GPC5: variants seen among roughly 807,000 people sequenced by gnomAD.
GPC5 encodes glypican-5.
GPC5 carries 47 observed loss-of-function variants against 53.9 expected under a neutral mutation model. The observed-to-expected ratio is 0.87, with a 90% CI of 0.69 to 1.11. GPC5 has a LOEUF of 1.11. Among genes scored for constraint, GPC5 ranks in the 50% most tolerant of loss-of-function variants. GPC5 has a pLI of 0.00. For missense variants in GPC5, 748 were observed against 713.1 expected (o/e 1.05, Z -0.56); for synonymous variants, 286 against 263.3 (o/e 1.09, Z -0.84).
At chr13:92,014,144 A>T (rs986579764) in intron 6 of GPC5, among the ~76,000 whole-genome samples, 1 of 152,194 alleles carries the variant, frequency 6.6e-6, no homozygotes, top group Non-Finnish European at 1.5e-5. Flanking sequence ...GCCTTTATCT[A>T]CTTAGCTCCT....
chr13:92,835,929 T>A (rs1878203322), intron 7 of GPC5, among the ~76,000 whole-genome samples: 2 of 151,944 alleles, frequency 1.3e-5, no homozygotes, highest in Admixed American at 6.6e-5. Context: ...TTCCCTAAAT[T>A]ACAGTGAGTC....
At chr13:92,802,852 C>T (rs1353621708) in intron 7 of GPC5, among the ~76,000 whole-genome samples, 2 of 151,916 alleles carry the variant, frequency 1.3e-5, no homozygotes, top group African/African-American at 2.4e-5. Context: ...ACATATATAT[C>T]CTTCTTTAAG....
chr13:92,693,665 C>T (rs186191970), intron 7 of GPC5, among the ~76,000 whole-genome samples: 438 of 152,082 alleles, frequency 2.9e-3, no homozygotes, highest in Non-Finnish European at 4.6e-3. Flanking sequence ...CATACATGTT[C>T]GCAAAGAGAG....
Position 92,738,751 on chromosome 13 carries a change from G to A in GPC5, c.1562-127531G>A, listed in dbSNP as rs182644774. Among the ~76,000 whole-genome samples the A allele has an allele frequency of 3.3e-3, 508 of 152,090 alleles. 3 individuals carry two copies. The highest frequency in any genetic ancestry group is 5.2e-3 in the Non-Finnish European group (351 of 67,974). On this transcript the variant is annotated intron_variant, in intron 7 of 7. Coordinates refer to ENST00000377067, the MANE Select transcript of GPC5 (RefSeq NM_004466.6). ...TTCAACATTTTTCTAAGTATGTTCT[G>A]TAGACCAAAAATTCTGTAGGATTTT...
intron 6 of GPC5, among the ~76,000 whole-genome samples, chr13:92,135,108 G>GT (rs1240976619): frequency 7.9e-5 from 12 of 152,060 alleles, no homozygotes; most frequent in East Asian, 7.7e-4. Flanking sequence ...AAATGTCCTT[G>GT]TTTTTTTCCC....
At chr13:92,381,860 T>TATTATATATATC (rs2043743935) in intron 7 of GPC5, among the ~76,000 whole-genome samples, 3 of 62,716 alleles carry the variant, frequency 4.8e-5, no homozygotes, top group Non-Finnish European at 1.1e-4. Context: ...CATATATGAT[T>TATTATATATATC]ATATATATCA....
At chr13:91,837,615 A>C (rs531360324) in intron 5 of GPC5, among the ~76,000 whole-genome samples, 4 of 152,256 alleles carry the variant, frequency 2.6e-5, no homozygotes, top group African/African-American at 9.6e-5. Context: ...TACCACATGG[A>C]GTTGTGTTTT....
At chr13:92,367,084 C>T (rs892059024) in intron 7 of GPC5, among the ~76,000 whole-genome samples, 6 of 152,066 alleles carry the variant, frequency 3.9e-5, no homozygotes, top group African/African-American at 7.2e-5. Context: ...TGTTACCACA[C>T]GTCAAAGTCT....
chr13:92,154,069 C>T lies in GPC5; in HGVS notation c.1561+9080C>T, dbSNP rs115315809. Among the ~76,000 whole-genome samples the T allele has an allele frequency of 6.9e-3, 1,057 of 152,308 alleles. 10 individuals are homozygous for T. Among genetic ancestry groups the T allele is most frequent in the African/African-American group, 0.024 (1,011 of 41,558 alleles). On this transcript the variant is annotated intron_variant, in intron 7 of 7. Transcript: ENST00000377067. Reference sequence around the variant, plus strand: ...AAGCCTGGTGCAAACATCTGCTTAGCTCCTGGTGAGGCCTCAGGAGGCTTA... The same window carrying T: ...AAGCCTGGTGCAAACATCTGCTTAGTTCCTGGTGAGGCCTCAGGAGGCTTA...
intron 2 of GPC5, among the ~76,000 whole-genome samples, chr13:91,523,073 TAA>T (rs1885912368): frequency 6.6e-6 from 1 of 152,146 alleles, no homozygotes. Flanking sequence ...ATGGCGATTA[TAA>T]AAAAGACAAA....
At chr13:91,907,312 G>A (rs1480499023) in intron 5 of GPC5, among the ~76,000 whole-genome samples, 2 of 147,560 alleles carry the variant, frequency 1.4e-5, no homozygotes, top group Non-Finnish European at 3.0e-5. Flanking sequence ...TTTTTATCAT[G>A]TCCAATTGAT....
chr13:92,224,420 G>T (rs556674117), intron 7 of GPC5, among the ~76,000 whole-genome samples: 2 of 152,304 alleles, frequency 1.3e-5, no homozygotes, highest in African/African-American at 4.8e-5. Flanking sequence ...GTATTCTGTA[G>T]TTAGTAATTG....
chr13:91,686,018 A>C (rs1014513386), intron 2 of GPC5, among the ~76,000 whole-genome samples: 1 of 151,816 alleles, frequency 6.6e-6, no homozygotes. Context: ...TAAAGTTGTG[A>C]GTAAGAAACT....
chr13:92,675,789 T>C (rs1886918557), intron 7 of GPC5, among the ~76,000 whole-genome samples: 1 of 152,156 alleles, frequency 6.6e-6, no homozygotes, highest in South Asian at 2.1e-4. Context: ...GTAATATTCA[T>C]ATAGCAGAGC....
chr13:91,645,516 C>A lies in GPC5; in HGVS notation c.326-47671C>A, dbSNP rs575134964. Among the ~76,000 whole-genome samples, 5 of 152,292 alleles carry A rather than the reference C, an allele frequency of 3.3e-5. No homozygotes were observed. In the South Asian group the frequency reaches 8.3e-4, roughly 25 times the overall value. ...ACTGCCCCTCTTCCTGACAGTAGGA[C>A]CCTCAAGTCCCTTTGTTACTAGCTA... On this transcript the variant is annotated intron_variant, in intron 2 of 7. Coordinates refer to ENST00000377067, the MANE Select transcript of GPC5 (RefSeq NM_004466.6).
chr13:92,473,424 A>G (rs941027057), intron 7 of GPC5, among the ~76,000 whole-genome samples: 26 of 152,116 alleles, frequency 1.7e-4, no homozygotes, highest in Middle Eastern at 3.2e-3. Flanking sequence ...TGGGCCACAG[A>G]ATAGACAAGA....
At chr13:91,712,706 T>G (rs911868744) in intron 3 of GPC5, among the ~76,000 whole-genome samples, 6 of 152,124 alleles carry the variant, frequency 3.9e-5, no homozygotes, top group Non-Finnish European at 7.3e-5. Flanking sequence ...TTTCATACAC[T>G]GATCATCAGC....
At chr13:92,650,764 G>T (rs1196975634) in intron 7 of GPC5, among the ~76,000 whole-genome samples, 1 of 152,118 alleles carries the variant, frequency 6.6e-6, no homozygotes, top group South Asian at 2.1e-4. Context: ...GGTATACAGT[G>T]AAATTTTTCT....
At chr13:92,463,778 CAA>C (rs1346387193) in intron 7 of GPC5, among the ~76,000 whole-genome samples, 4 of 152,246 alleles carry the variant, frequency 2.6e-5, no homozygotes, top group East Asian at 3.9e-4. Flanking sequence ...TTGTGAGACA[CAA>C]AGCTTTTTTC....
Sources: allele counts gnomAD v4.1 joint callset (sites outside exome capture counted in the v4.1 genomes callset), GRCh38; gene constraint gnomAD v4.1.1; transcripts MANE v1.5; gene names NCBI Gene and HGNC (gene_info 2026-07-23, HGNC 2026-07-21).